Variants in TASOR observed in about 807,000 individuals in gnomAD.
The protein encoded by TASOR is transcription activation suppressor.
TASOR carries 53 observed loss-of-function variants against 178.6 expected under a neutral mutation model. That is an observed-to-expected ratio of 0.30 (90% CI 0.24 to 0.37). The LOEUF (loss-of-function observed/expected upper bound fraction) is 0.37, where lower values mean the gene tolerates loss of function less well. TASOR is among the 10% of genes least tolerant of loss of function. The probability of loss-of-function intolerance (pLI) is 1.00; values close to 1 mark genes in which losing one functional copy is unlikely to be tolerated. For missense variants in TASOR, 1,815 were observed against 1,971.4 expected (o/e 0.92, Z 1.50); for synonymous variants, 713 against 696.2 (o/e 1.02, Z -0.38).
Position 56,664,691 on chromosome 3 carries a change from A to C in TASOR, c.1023-1119T>G, listed in dbSNP as rs1400357345. ...ACTTCAAATATGTATACACACCCAA[A>C]GTAAAAAATGAGCAGACATTTGACC... is the stretch of plus-strand genomic sequence containing the variant. On this transcript the variant is annotated intron_variant, in intron 7 of 23. Coordinates refer to ENST00000683822, the MANE Select transcript of TASOR (RefSeq NM_001365635.2). 1.6e-4 allele frequency among the ~76,000 whole-genome samples: 24 copies of C among 152,238 alleles called. 1 individual carries two copies. The highest frequency in any genetic ancestry group is 1.6e-3 in the Admixed American group (24 of 15,280).
chr3:56,670,150 AT>A lies in TASOR; in HGVS notation c.571-6del. ...TTTTTCACATATGGTTTGAACCTAA[AT>A]TTAAAAAAAAATACTTCATCTTGCA... On this transcript the variant is annotated splice_polypyrimidine_tract_variant and splice_region_variant and intron_variant, in intron 3 of 23. Coordinates refer to ENST00000683822, the MANE Select transcript of TASOR (RefSeq NM_001365635.2). 6.7e-7 allele frequency: 1 copy of A among 1,500,790 alleles called. No homozygotes were observed. Among genetic ancestry groups the A allele is most frequent in the South Asian group, 1.3e-5 (1 of 75,106 alleles). The allele number at this position is 1,500,790 out of a possible 1,614,324, so 93.0% of individuals were successfully genotyped here. A position where few individuals can be genotyped will look rare whatever the true frequency, so the allele number is the denominator to read the frequency against.
At chr3:56,675,595 A>C (rs71309975) in intron 1 of TASOR, among the ~76,000 whole-genome samples, 11 of 152,294 alleles carry the variant, frequency 7.2e-5, no homozygotes, top group African/African-American at 2.6e-4. Flanking sequence ...AATACACCTA[A>C]AAGTCTATAC....
intron 21 of TASOR, among the ~76,000 whole-genome samples, chr3:56,626,200 C>T (rs914814914): frequency 2.0e-5 from 3 of 152,126 alleles, no homozygotes; most frequent in South Asian, 2.1e-4. Flanking sequence ...GTGTCCCAAA[C>T]ATGCCTGATT....
In TASOR at chr3:56,627,759, CAAAA is replaced by C. The variant is rs1559814116; in HGVS notation, c.3871-22_3871-19del. The C allele has an allele frequency of 6.2e-7, 1 of 1,604,922 alleles. No homozygotes were observed. The highest frequency in any genetic ancestry group is 1.3e-5 in the African/African-American group (1 of 74,148). ...CCAGGTATCTGTTTAAATCCCAAAACAAAAAGAGAAACAGATGGAGGGAATGAAT... is the reference window on the plus strand; with the variant it reads ...CCAGGTATCTGTTTAAATCCCAAAACAGAGAAACAGATGGAGGGAATGAAT... On this transcript the variant is annotated intron_variant, in intron 19 of 23. Transcript: ENST00000683822.
At chr3:56,659,486 C>T (rs1016605235) in intron 11 of TASOR, among the ~76,000 whole-genome samples, 3 of 152,132 alleles carry the variant, frequency 2.0e-5, no homozygotes, top group Admixed American at 2.0e-4. Flanking sequence ...AATCCCTCTA[C>T]CCAAACTAGA....
rs1329981623 is a variant in TASOR at position 56,683,148 on chromosome 3, G to A, written c.-142C>T. 10 of 917,246 alleles carry A rather than the reference G, an allele frequency of 1.1e-5. No homozygotes were observed. Among genetic ancestry groups the A allele is most frequent in the African/African-American group, 5.2e-5 (3 of 57,444 alleles). The allele number at this position is 917,246 out of a possible 1,614,324, so 56.8% of individuals were successfully genotyped here. A position where few individuals can be genotyped will look rare whatever the true frequency, so the allele number is the denominator to read the frequency against. ...CCCCGTGGCCTCAGGCTGCGCTCCCGACCTGGCAGCCTCTTGGGGGGCCCT... is the reference window on the plus strand; with the variant it reads ...CCCCGTGGCCTCAGGCTGCGCTCCCAACCTGGCAGCCTCTTGGGGGGCCCT... On this transcript the variant is annotated 5_prime_UTR_variant, in exon 1 of 24. Transcript: ENST00000683822.
In TASOR at chr3:56,633,218, T is replaced by A. The variant is rs140396487; in HGVS notation, c.3573A>T (p.Thr1191=). The change falls in exon 18 of 24, where the codon ACA becomes ACT. Residue 1191 remains threonine (T), a synonymous_variant. Transcript: ENST00000683822. ...DMAREPVEET[T]KSPSDVNISA... ...AAATGTTTACATCACTGGGGGATTT[T>A]GTTGTTTCTTCTACTGGTTCCCGGG... The A allele has an allele frequency of 1.2e-5, 19 of 1,614,086 alleles. No individual in the cohort carries two copies. The highest frequency in any genetic ancestry group is 1.6e-5 in the Non-Finnish European group (19 of 1,180,034).
At chr3:56,674,201 T>TAAAAAAAAAAAAAAAAAAA (rs11348732) in intron 1 of TASOR, among the ~76,000 whole-genome samples, 1 of 111,850 alleles carries the variant, frequency 8.9e-6, no homozygotes, top group African/African-American at 3.5e-5. Context: ...TCTTTAAGTT[T>TAAAAAAAAAAAAAAAAAAA]AAAAAAAAAA....
chr3:56,624,433 C>CT (rs762517549), intron 23 of TASOR, 46 bp downstream of exon 23: 7 of 1,588,780 alleles, frequency 4.4e-6, no homozygotes, highest in Non-Finnish European at 6.0e-6. Context: ...AACCATTCCT[C>CT]TTTTTCTGTC....
chr3:56,658,916 A>AGAG (rs373087081), intron 11 of TASOR, among the ~76,000 whole-genome samples: 3 of 149,354 alleles, frequency 2.0e-5, no homozygotes, highest in South Asian at 2.1e-4. Flanking sequence ...TCAAAAAAAA[A>AGAG]AGAGAGAGAG....
Position 56,626,889 on chromosome 3 carries a change from A to C in TASOR, c.4139+148T>G, listed in dbSNP as rs555228328. The stretch of plus-strand genomic sequence containing the variant: ...AAATACTGCTTCTTATAAAGGCTAG[A>C]ATAATTCAGTATCTATACTCAATTA... On this transcript the variant is annotated intron_variant, in intron 21 of 23. Transcript: ENST00000683822. 52 of 518,040 alleles carry C rather than the reference A, an allele frequency of 1.0e-4. 1 individual carries two copies. Among genetic ancestry groups the C allele is most frequent in the Middle Eastern group, 8.8e-4 (2 of 2,282 alleles). 32.1% of individuals were successfully genotyped at this position (518,040 alleles called of 1,614,324 possible). A position where few individuals can be genotyped will look rare whatever the true frequency, so the allele number is the denominator to read the frequency against.
At chr3:56,666,421 A>G in intron 6 of TASOR, 37 bp from the exon 7 acceptor site, 2 of 1,429,012 alleles carry the variant, frequency 1.4e-6, no homozygotes, top group Non-Finnish European at 1.8e-6. Context: ...CTTCTTTAAA[A>G]AGGCAAGGTG....
intron 14 of TASOR, among the ~76,000 whole-genome samples, chr3:56,645,503 G>A (rs889659439): frequency 6.6e-6 from 1 of 152,174 alleles, no homozygotes; most frequent in Non-Finnish European, 1.5e-5. Context: ...AACACAAAAC[G>A]TGGATTGTTA....
At chr3:56,682,609 TAGAA>T (rs897795448) in intron 1 of TASOR, 63 bp downstream of exon 1, 6 of 1,357,224 alleles carry the variant, frequency 4.4e-6, no homozygotes, top group African/African-American at 3.0e-5. Flanking sequence ...GAAGAGGAGA[TAGAA>T]AGATTCTAAT....
At position 56,622,441 on chromosome 3, in the gene TASOR, A is replaced by T. The variant is rs1021547092; in HGVS notation, c.*596T>A. The stretch of plus-strand genomic sequence containing the variant: ...AATCAAGGATTGCGCAGGTACTGAA[A>T]ATTATCCAATACTCTCAAAAAGTTA... On this transcript the variant is annotated 3_prime_UTR_variant, in exon 24 of 24. Coordinates refer to ENST00000683822, the MANE Select transcript of TASOR (RefSeq NM_001365635.2). 1 of 152,594 alleles carries T rather than the reference A, an allele frequency of 6.6e-6. No individual in the cohort carries two copies. Among genetic ancestry groups the T allele is most frequent in the African/African-American group, 2.4e-5 (1 of 41,452 alleles). 9.5% of individuals were successfully genotyped at this position (152,594 alleles called of 1,614,324 possible). A position where few individuals can be genotyped will look rare whatever the true frequency, so the allele number is the denominator to read the frequency against.
At chr3:56,624,666 A>T (rs1004328166) in intron 22 of TASOR, 23 bp from the exon 23 acceptor site, 29 of 1,601,134 alleles carry the variant, frequency 1.8e-5, no homozygotes, top group Non-Finnish European at 2.3e-5. Context: ...AAAAAGTTTC[A>T]TGTATGAAAC....
At chr3:56,665,446 G>A (rs62251229) in intron 7 of TASOR, among the ~76,000 whole-genome samples, 7,394 of 151,924 alleles carry the variant, frequency 0.049, 184 homozygotes, top group East Asian at 0.09. Flanking sequence ...AACCTCCACC[G>A]CCCAGGTTCA....
chr3:56,646,634 T>G lies in TASOR; in HGVS notation c.2103A>C (p.Thr701=). ...RKKSVGGDSD[T]EDMRSKTVLK... is the part of the protein sequence containing the mutation. ...AGACAGTTTTGCTTCTCATATCTTC[T>G]GTGTCTGAGTCCCCACCCACACTCT... Residue 701 remains threonine, a synonymous_variant, in exon 14 of 24, where the codon ACA becomes ACC. Coordinates refer to ENST00000683822, the MANE Select transcript of TASOR (RefSeq NM_001365635.2). 2 of 1,613,612 alleles carry G rather than the reference T, an allele frequency of 1.2e-6. No individual in the cohort carries two copies. Among genetic ancestry groups the G allele is most frequent in the Non-Finnish European group, 1.7e-6 (2 of 1,180,002 alleles).
Position 56,623,331 on chromosome 3 carries a change from A to T in TASOR, c.4719T>A (p.Ser1573=). The change falls in exon 24 of 24, where the codon TCT becomes TCA. Residue 1573 remains serine, a synonymous_variant. Coordinates refer to ENST00000683822, the MANE Select transcript of TASOR (RefSeq NM_001365635.2). ...CTCCTTCAGAGCATACTATATCAAT[A>T]GAAGTTCTCTCTTCAGAATCAAGGT... ...KTYLDSEERT[S]IDIVCSEGEN... The T allele has an allele frequency of 6.2e-7, 1 of 1,613,550 alleles. No homozygotes were observed. The highest frequency in any genetic ancestry group is 8.5e-7 in the Non-Finnish European group (1 of 1,179,958).
Sources: allele counts gnomAD v4.1 joint callset (sites outside exome capture counted in the v4.1 genomes callset), GRCh38; gene constraint gnomAD v4.1.1; transcripts MANE v1.5; gene names NCBI Gene and HGNC (gene_info 2026-07-23, HGNC 2026-07-21).